The following NKAIN2 variants were observed in gnomAD, a reference collection of about 807,000 sequenced individuals.
NKAIN2 encodes the protein sodium/potassium-transporting ATPase subunit beta-1-interacting protein 2.
In NKAIN2, 14 loss-of-function variants were observed where a neutral mutation model predicts 32.6. That is an observed-to-expected ratio of 0.43 (90% CI 0.28 to 0.67). The LOEUF (loss-of-function observed/expected upper bound fraction) is 0.67. Among genes scored for constraint, NKAIN2 ranks in the 30% least tolerant of loss-of-function variants. The probability of loss-of-function intolerance (pLI) is 0.17; values close to 1 mark genes in which losing one functional copy is unlikely to be tolerated. For missense variants in NKAIN2, 198 were observed against 258.3 expected, an observed-to-expected ratio of 0.77 and a Z score of 1.60; for synonymous variants, 80 against 87.2, an observed-to-expected ratio of 0.92 and a Z score of 0.46.
chr6:124,706,721 C>A lies in NKAIN2; in HGVS notation c.474+48335C>A, dbSNP rs570216121. On this transcript the variant is annotated intron_variant, in intron 4 of 6. Transcript: ENST00000368417. ...CATGGATGCCACAACAACATGGCACCTAATCGTCATTTGACTCCACTGCTT... is the reference window on the plus strand; with the variant it reads ...CATGGATGCCACAACAACATGGCACATAATCGTCATTTGACTCCACTGCTT... Among the ~76,000 whole-genome samples, 4 of 152,258 alleles carry A rather than the reference C, an allele frequency of 2.6e-5. No individual in the cohort carries two copies. The South Asian group carries it at 8.3e-4, about 32-fold the overall frequency.
rs147798699 is a variant in NKAIN2 at position 123,831,856 on chromosome 6, G to A, written c.54+27602G>A. ...TTTTTAGTAGAGACGGGGTTTCACC[G>A]TGTTAGCCAGGATGGTCTTGATCTC... On this transcript the variant is annotated intron_variant, in intron 1 of 6. Transcript: ENST00000368417. Among the ~76,000 whole-genome samples, 771 of 151,978 alleles carry A rather than the reference G, an allele frequency of 5.1e-3. 10 individuals carry two copies. The highest frequency in any genetic ancestry group is 0.04 in the East Asian group (205 of 5,146).
rs372529667 is a variant in NKAIN2, at chr6:124,523,606, A to G, written c.274-134580A>G. Among the ~76,000 whole-genome samples the G allele has an allele frequency of 5.3e-5, 8 of 152,286 alleles. No homozygotes were observed. In the East Asian group the frequency reaches 7.7e-4, roughly 15 times the overall value. ...GTGAGTTAGATCTTGGCAAAATTAA[A>G]AACTTTAATAAAACTTTATCATTTT... On this transcript the variant is annotated intron_variant, in intron 3 of 6. Transcript: ENST00000368417.
chr6:124,325,731 T>G (rs1797384315), intron 2 of NKAIN2, among the ~76,000 whole-genome samples: 2 of 152,112 alleles, frequency 1.3e-5, no homozygotes. Flanking sequence ...CTTCTCAGGT[T>G]ATGGTGATTA....
chr6:124,108,589 G>A (rs190172606), intron 1 of NKAIN2, among the ~76,000 whole-genome samples: 1 of 151,890 alleles, frequency 6.6e-6, no homozygotes, highest in Admixed American at 6.6e-5. Flanking sequence ...TGTGTTTTTG[G>A]TGTCATATCC....
At chr6:123,954,490 C>G (rs542562421) in intron 1 of NKAIN2, among the ~76,000 whole-genome samples, 2 of 152,194 alleles carry the variant, frequency 1.3e-5, no homozygotes, top group African/African-American at 4.8e-5. Context: ...ACTTTCCTCT[C>G]CTTCCTTGTG....
chr6:124,059,495 T>A (rs2114852056), intron 1 of NKAIN2, among the ~76,000 whole-genome samples: 1 of 152,248 alleles, frequency 6.6e-6, no homozygotes, highest in African/African-American at 2.4e-5. Context: ...CCCATCTTAT[T>A]ATCTCTTTAG....
chr6:123,892,126 A>C (rs1446459327), intron 1 of NKAIN2, among the ~76,000 whole-genome samples: 2 of 152,142 alleles, frequency 1.3e-5, no homozygotes, highest in Non-Finnish European at 2.9e-5. Context: ...GTGTGCCTAA[A>C]AGTAAAAGAA....
chr6:124,564,773 T>C (rs1476197100), intron 3 of NKAIN2, among the ~76,000 whole-genome samples: 1 of 152,160 alleles, frequency 6.6e-6, no homozygotes, highest in African/African-American at 2.4e-5. Flanking sequence ...CTATAAGCCC[T>C]GGAAACACTC....
chr6:124,084,336 T>A (rs1405152971), intron 1 of NKAIN2, among the ~76,000 whole-genome samples: 1 of 152,020 alleles, frequency 6.6e-6, no homozygotes, highest in Admixed American at 6.6e-5. Flanking sequence ...GTACTTTTTC[T>A]GTGTTTAGAT....
intron 3 of NKAIN2, among the ~76,000 whole-genome samples, chr6:124,478,818 C>T (rs1777334471): frequency 6.6e-6 from 1 of 152,040 alleles, no homozygotes; most frequent in Non-Finnish European, 1.5e-5. Flanking sequence ...GTGGGCTTCC[C>T]ATAATGACTT....
chr6:124,483,273 C>G (rs1777528862), intron 3 of NKAIN2, among the ~76,000 whole-genome samples: 1 of 152,272 alleles, frequency 6.6e-6, no homozygotes, highest in South Asian at 2.1e-4. Flanking sequence ...CTCCATAAGT[C>G]ATAGCCATGA....
chr6:124,205,550 C>G (rs562779331), intron 1 of NKAIN2, among the ~76,000 whole-genome samples: 1 of 151,254 alleles, frequency 6.6e-6, no homozygotes, highest in African/African-American at 2.4e-5. Context: ...ATCCTTTTAC[C>G]CAGTCATCAA....
chr6:124,626,730 A>G (rs554928712), intron 3 of NKAIN2, among the ~76,000 whole-genome samples: 2 of 152,268 alleles, frequency 1.3e-5, no homozygotes, highest in Non-Finnish European at 2.9e-5. Flanking sequence ...GGGCCACCAC[A>G]TACACACTTT....
chr6:124,489,616 T>C (rs1177890462), intron 3 of NKAIN2, among the ~76,000 whole-genome samples: 1 of 151,926 alleles, frequency 6.6e-6, no homozygotes, highest in African/African-American at 2.4e-5. Context: ...GAATATCTCA[T>C]ATAATTTATT....
intron 1 of NKAIN2, among the ~76,000 whole-genome samples, chr6:124,161,964 A>C (rs1475267734): frequency 6.6e-6 from 1 of 152,132 alleles, no homozygotes; most frequent in Non-Finnish European, 1.5e-5. Flanking sequence ...TAAAAAATAA[A>C]TAAAATAAAA....
chr6:124,491,234 C>T (rs1463326810), intron 3 of NKAIN2, among the ~76,000 whole-genome samples: 2 of 151,856 alleles, frequency 1.3e-5, no homozygotes, highest in Non-Finnish European at 2.9e-5. Context: ...ATCAGAGTCA[C>T]ATGCTAGTGA....
intron 1 of NKAIN2, among the ~76,000 whole-genome samples, chr6:123,838,785 C>T (rs145645078): frequency 1.5e-3 from 230 of 152,210 alleles, no homozygotes; most frequent in African/African-American, 3.9e-3. Flanking sequence ...GCCATTTAAA[C>T]GTGCATTTGA....
chr6:123,835,940 G>A (rs1192127436), intron 1 of NKAIN2, among the ~76,000 whole-genome samples: 1 of 151,992 alleles, frequency 6.6e-6, no homozygotes, highest in East Asian at 1.9e-4. Context: ...ATACTCACCT[G>A]TAAAACGTTC....
intron 1 of NKAIN2, among the ~76,000 whole-genome samples, chr6:124,005,299 T>C (rs1780033870): frequency 6.6e-6 from 1 of 152,120 alleles, no homozygotes; most frequent in South Asian, 2.1e-4. Context: ...TTCAAACAGA[T>C]GAATTCTTCC....
Sources: gnomAD v4.1 joint callset for allele counts (sites outside exome capture counted in the v4.1 genomes callset) on GRCh38, gnomAD v4.1.1 for gene constraint, MANE v1.5 for transcripts, NCBI Gene and HGNC (gene_info 2026-07-23, HGNC 2026-07-21) for gene names.